The following ABCG5 variants were observed in gnomAD, a reference collection of about 807,000 sequenced individuals.
The protein encoded by ABCG5 is ATP-binding cassette sub-family G member 5.
In ABCG5, 64 loss-of-function variants were observed where a neutral mutation model predicts 64.5. The ratio of observed to expected loss-of-function variants is 0.99; its 90% CI spans 0.81 to 1.22. ABCG5 has a LOEUF of 1.22. ABCG5 is among the 50% of genes most tolerant of loss of function. The pLI is 0.00. For synonymous variants in ABCG5, 385 were observed against 326.3 expected (o/e 1.18, Z -1.94); for missense variants, 908 against 829.5 (o/e 1.09, Z -1.16).
rs750285438 is a variant in ABCG5, at chr2:43,813,244, C to G, written c.1828G>C (p.Glu610Gln). 6 of 1,613,804 alleles carry G rather than the reference C, an allele frequency of 3.7e-6. No individual in the cohort carries two copies. The African/African-American group carries it at 8.0e-5, about 22-fold the overall frequency. Residue 610 changes from glutamate to glutamine, a missense_variant, in exon 13 of 13, where the codon GAG becomes CAG. Physicochemically the swap from Glu to Gln is conservative, Grantham distance 29 (BLOSUM62 2). Coordinates refer to ENST00000405322, the MANE Select transcript of ABCG5 (RefSeq NM_022436.3). ...GATGTTGCACCTGGGCAGGTTTTCT[C>G]AATGAATTGAATTCCTTGAGTGAAG... Reference protein sequence around the residue: ...CAFTQGIQFIEKTCPGATSRF... With the variant: ...CAFTQGIQFIQKTCPGATSRF...
At chr2:43,817,789 A>C (rs1415639175) in intron 11 of ABCG5, among the ~76,000 whole-genome samples, 1 of 151,838 alleles carries the variant, frequency 6.6e-6, no homozygotes, top group Non-Finnish European at 1.5e-5. Flanking sequence ...AGGCACCTGT[A>C]ATCCCAGCTA....
At chr2:43,824,562 C>T in intron 7 of ABCG5, 130 bp from the exon 8 acceptor site, 15 of 1,572,160 alleles carry the variant, frequency 9.5e-6, no homozygotes, top group African/African-American at 1.4e-5. Flanking sequence ...GGTTAATGCC[C>T]ACCTATAAAA....
chr2:43,825,710 G>A lies in ABCG5; in HGVS notation c.774+672C>T, dbSNP rs200340815. Reference sequence around the variant, plus strand: ...TCTCTGCAACCTCCTGGGTTCAAGCGATTCTCCTGCCTCAGCTTCCCGAAT... The same window carrying A: ...TCTCTGCAACCTCCTGGGTTCAAGCAATTCTCCTGCCTCAGCTTCCCGAAT... On this transcript the variant is annotated intron_variant, in intron 6 of 12. Coordinates refer to ENST00000405322, the MANE Select transcript of ABCG5 (RefSeq NM_022436.3). Among the ~76,000 whole-genome samples the A allele has an allele frequency of 2.0e-5, 3 of 151,170 alleles. No individual in the cohort carries two copies. The East Asian group carries it at 6.0e-4, about 30-fold the overall frequency.
intron 10 of ABCG5, among the ~76,000 whole-genome samples, chr2:43,822,249 C>G (rs1344270250): frequency 6.6e-6 from 1 of 152,096 alleles, no homozygotes; most frequent in East Asian, 1.9e-4. Context: ...ATTGCAATGG[C>G]CTTCTCCCTT....
rs746277612 is a variant in ABCG5 at position 43,814,516 on chromosome 2, G to C, written c.1723C>G (p.Leu575Val). 4.4e-6 allele frequency: 7 copies of C among 1,608,978 alleles called. No homozygotes were observed. Among genetic ancestry groups the C allele is most frequent in the Middle Eastern group, 3.3e-4 (2 of 6,048 alleles). Residue 575 changes from leucine to valine, a missense_variant, in exon 12 of 13, where the codon CTT becomes GTT. Coordinates refer to ENST00000405322, the MANE Select transcript of ABCG5 (RefSeq NM_022436.3). Reference protein sequence around the residue: ...FTFQKYCSEILVVNEFYGLNF... With the variant: ...FTFQKYCSEIVVVNEFYGLNF... ...AGTCCGTAGAACTCATTGACTACAA[G>C]AATCTCACTGCAATATTTTTGGAAT...
chr2:43,814,959 G>A (rs1381238243), intron 11 of ABCG5, among the ~76,000 whole-genome samples: 1 of 152,148 alleles, frequency 6.6e-6, no homozygotes, highest in Non-Finnish European at 1.5e-5. Flanking sequence ...CAGCTTGGTG[G>A]CCTGTTATAG....
Position 43,820,008 on chromosome 2 carries a change from A to G in ABCG5, c.1556T>C (p.Val519Ala). The G allele has an allele frequency of 6.2e-7, 1 of 1,614,226 alleles. No individual in the cohort carries two copies. The highest frequency in any genetic ancestry group is 8.5e-7 in the Non-Finnish European group (1 of 1,180,038). ...TGGATTTTGGACGATACCAAGTAGC[A>G]CAAGAGTTAGAAATTCACCAATTAA... ...PHLIGEFLTL[V>A]LLGIVQNPNI... Residue 519 changes from valine (V) to alanine (A), a missense_variant, in exon 11 of 13, where the codon GTG becomes GCG. Val to Ala is a moderately conservative substitution (Grantham distance 64). Transcript: ENST00000405322.
rs753502791 is a variant in ABCG5, at chr2:43,824,888, C to T, written c.904+1G>A. On this transcript the variant is annotated splice_donor_variant, in intron 7 of 12. Coordinates refer to ENST00000405322, the MANE Select transcript of ABCG5 (RefSeq NM_022436.3). LOFTEE classifies it high-confidence loss of function. ...ATGGGGAATGTGAAAGAAAAACTTA[C>T]TATAGAAGTCAAAAGGGTTTGAATG... 5.0e-6 allele frequency: 8 copies of T among 1,613,770 alleles called. No homozygotes were observed. The East Asian group carries it at 1.8e-4, about 36-fold the overall frequency.
chr2:43,820,175 A>C, intron 10 of ABCG5, 75 bp from the exon 11 acceptor site: 1 of 1,522,174 alleles, frequency 6.6e-7, no homozygotes, highest in Non-Finnish European at 8.9e-7. Flanking sequence ...TGCCTCTGTG[A>C]ATAAATCCTT....
Position 43,824,036 on chromosome 2 carries a change from G to A in ABCG5, c.1201C>T (p.Leu401Phe). 1 of 1,614,208 alleles carries A rather than the reference G, an allele frequency of 6.2e-7. No homozygotes were observed. Among genetic ancestry groups the A allele is most frequent in the South Asian group, 1.1e-5 (1 of 91,082 alleles). ...LQNLIMGLFL[L>F]FFVLRVRSNV... ...CTTCGGACCCGCAGAACGAAGAAAAGGAGGAACAAACCCATGATCAGATTC... is the reference window on the plus strand; with the variant it reads ...CTTCGGACCCGCAGAACGAAGAAAAAGAGGAACAAACCCATGATCAGATTC... Residue 401 changes from leucine to phenylalanine, a missense_variant, in exon 9 of 13, where the codon CTT (leucine) becomes TTT (phenylalanine). Coordinates refer to ENST00000405322, the MANE Select transcript of ABCG5 (RefSeq NM_022436.3).
rs768374531 is a variant in ABCG5 at position 43,837,958 on chromosome 2, T to G, written c.144-3A>C. The G allele has an allele frequency of 6.2e-7, 1 of 1,613,618 alleles. No homozygotes were observed. The highest frequency in any genetic ancestry group is 8.5e-7 in the Non-Finnish European group (1 of 1,179,720). ...CCCACCAGGGCCTCACGCGGTGGCT[T>G]TAAAGGAAACCCCAGGAAGGCAAAG... On this transcript the variant is annotated splice_region_variant and splice_polypyrimidine_tract_variant and intron_variant, in intron 1 of 12. Transcript: ENST00000405322.
At chr2:43,837,740 A>C in intron 2 of ABCG5, 94 bp downstream of exon 2, 1 of 1,542,678 alleles carries the variant, frequency 6.5e-7, no homozygotes. Flanking sequence ...CTAATATCAA[A>C]CCTGTGGCTT....
chr2:43,837,884 A>G lies in ABCG5; in HGVS notation c.215T>C (p.Val72Ala), dbSNP rs749017748. Residue 72 changes from valine to alanine, a missense_variant, in exon 2 of 13, where the codon GTC becomes GCC. Physicochemically the swap from Val to Ala is moderately conservative, Grantham distance 64 (BLOSUM62 0). Transcript: ENST00000405322. Reference protein sequence around the residue: ...QQWTRQILKDVSLYVESGQIM... With the variant: ...QQWTRQILKDASLYVESGQIM... Reference sequence around the variant, plus strand: ...CTGCCCGCTCTCCACGTACAAGGAGACATCTTTGAGGATCTGCCTGGTCCA... The same window carrying G: ...CTGCCCGCTCTCCACGTACAAGGAGGCATCTTTGAGGATCTGCCTGGTCCA... 6.2e-7 allele frequency: 1 copy of G among 1,613,930 alleles called. No homozygotes were observed.
At chr2:43,810,050 T>C, downstream of ABCG5, 1 of 770,738 alleles carries the variant, frequency 1.3e-6, no homozygotes, top group Non-Finnish European at 1.6e-6. Context: ...CATGTATAAG[T>C]TTCTGCTTAT....
At chr2:43,824,860 A>C in intron 7 of ABCG5, 29 bp downstream of exon 7, 1 of 1,612,726 alleles carries the variant, frequency 6.2e-7, no homozygotes, top group Non-Finnish European at 8.5e-7. Flanking sequence ...AAAAACATTC[A>C]TGATGGGGAA....
intron 5 of ABCG5, 47 bp downstream of exon 5, chr2:43,827,936 A>T (rs764417203): frequency 9.9e-6 from 16 of 1,611,536 alleles, no homozygotes; most frequent in Non-Finnish European, 1.3e-5. Flanking sequence ...GCACACACAC[A>T]GAAGATGCCC....
At position 43,838,083 on chromosome 2, in the gene ABCG5, A is replaced by G. The variant is rs578244276; in HGVS notation, c.144-128T>C. 28 of 1,294,336 alleles carry G rather than the reference A, an allele frequency of 2.2e-5. No homozygotes were observed. The Admixed American group carries it at 5.3e-4, about 24-fold the overall frequency. 80.2% of individuals were successfully genotyped at this position (1,294,336 alleles called of 1,614,324 possible). A position where few individuals can be genotyped will look rare whatever the true frequency, so the allele number is the denominator to read the frequency against. ...TCCGGACAGGCTCCTAACGTGTTTC[A>G]GTCTCTGCGCCCTCCTCTGTAGAAC... On this transcript the variant is annotated intron_variant, in intron 1 of 12. Transcript: ENST00000405322. This position sits in a 1 kb window ranked among gnomAD's most constrained non-coding sequence, Gnocchi z 4.2.
At chr2:43,822,632 A>G in intron 10 of ABCG5, 165 bp downstream of exon 10, 4 of 983,838 alleles carry the variant, frequency 4.1e-6, no homozygotes, top group Non-Finnish European at 4.8e-6. Flanking sequence ...GCTATTTACA[A>G]TAAAATTAAT....
chr2:43,808,917 T>C (rs1666374078), downstream of ABCG5, among the ~76,000 whole-genome samples: 3 of 151,882 alleles, frequency 2.0e-5, no homozygotes, highest in Non-Finnish European at 1.5e-5. Flanking sequence ...ATTGCTCTAT[T>C]GTTATGGATG....
Sources: gnomAD v4.1 joint callset for allele counts (sites outside exome capture counted in the v4.1 genomes callset) on GRCh38, gnomAD v4.1.1 for gene constraint, Gnocchi (gnomAD v3.1) non-coding constraint, MANE v1.5 for transcripts, NCBI Gene and HGNC (gene_info 2026-07-23, HGNC 2026-07-21) for gene names.